CRACR2A: variants seen among roughly 807,000 people sequenced by gnomAD.
CRACR2A encodes the protein EF-hand calcium-binding domain-containing protein 4B.
In CRACR2A, 79 loss-of-function variants were observed where a neutral mutation model predicts 90.5. The ratio of observed to expected loss-of-function variants is 0.87; its 90% CI spans 0.73 to 1.05. The LOEUF (loss-of-function observed/expected upper bound fraction) is 1.05. Among genes scored for constraint, CRACR2A ranks in the 50% least tolerant of loss-of-function variants. The pLI is 0.00. For synonymous variants in CRACR2A, 338 were observed against 356.7 expected, an observed-to-expected ratio of 0.95 and a Z score of 0.59; for missense variants, 823 against 897.2, an observed-to-expected ratio of 0.92 and a Z score of 1.06.
chr12:3,683,963 G>A (rs1945505493), intron 4 of CRACR2A, among the ~76,000 whole-genome samples: 1 of 152,124 alleles, frequency 6.6e-6, no homozygotes, highest in African/African-American at 2.4e-5. Flanking sequence ...TAGAACATGA[G>A]GCATCTACAG....
At chr12:3,751,310 C>T (rs143691195) in intron 1 of CRACR2A, among the ~76,000 whole-genome samples, 266 of 152,248 alleles carry the variant, frequency 1.7e-3, no homozygotes, top group African/African-American at 6.0e-3. Flanking sequence ...TTCCCACCAG[C>T]CCTGTTCAAC....
intron 2 of CRACR2A, among the ~76,000 whole-genome samples, chr12:3,716,764 G>A (rs1451829835): frequency 6.6e-6 from 1 of 152,058 alleles, no homozygotes; most frequent in African/African-American, 2.4e-5. Flanking sequence ...TTTGTTGTTT[G>A]TTTTTGCTTC....
chr12:3,635,572 T>C (rs1239806163), intron 14 of CRACR2A, among the ~76,000 whole-genome samples: 1 of 152,182 alleles, frequency 6.6e-6, no homozygotes, highest in Non-Finnish European at 1.5e-5. Context: ...AGTGGTGTAA[T>C]CATAGCTCAC....
At chr12:3,669,021 G>A (rs929794682) in intron 7 of CRACR2A, among the ~76,000 whole-genome samples, 15 of 152,256 alleles carry the variant, frequency 9.9e-5, no homozygotes, top group African/African-American at 3.4e-4. Context: ...AGGCTACAGA[G>A]CTGCAGAGGA....
intron 14 of CRACR2A, among the ~76,000 whole-genome samples, chr12:3,636,613 C>CT: frequency 6.6e-6 from 1 of 152,256 alleles, no homozygotes; most frequent in Non-Finnish European, 1.5e-5. Flanking sequence ...ACCCCAGCTC[C>CT]TACTGACCTC....
chr12:3,661,711 C>T (rs1392505957), intron 7 of CRACR2A, among the ~76,000 whole-genome samples: 1 of 152,210 alleles, frequency 6.6e-6, no homozygotes, highest in Non-Finnish European at 1.5e-5. Flanking sequence ...CTGGAATGAC[C>T]TTCCTGTGTT....
intron 3 of CRACR2A, among the ~76,000 whole-genome samples, chr12:3,700,745 G>T (rs757022494): frequency 6.6e-6 from 1 of 152,122 alleles, no homozygotes; most frequent in Non-Finnish European, 1.5e-5. Context: ...AGGAAAAATA[G>T]CAAAGTCACA....
intron 11 of CRACR2A, chr12:3,648,256 T>C: frequency 7.6e-7 from 1 of 1,308,828 alleles, no homozygotes; most frequent in South Asian, 2.6e-5. Flanking sequence ...TCTGCTCGCA[T>C]GAGATCAAGT....
Position 3,633,533 on chromosome 12 carries a change from C to T in CRACR2A, c.1735+71G>A. Reference sequence around the variant, plus strand: ...CCCATGGGCTTCTAACGCTCCCTGCCCCGGGCCCCCTTCTCACAAACTCCC... The same window carrying T: ...CCCATGGGCTTCTAACGCTCCCTGCTCCGGGCCCCCTTCTCACAAACTCCC... On this transcript the variant is annotated intron_variant, in intron 15 of 19. Coordinates refer to ENST00000440314, the MANE Select transcript of CRACR2A (RefSeq NM_001144958.2). The surrounding 1 kb of genome is among the most constrained non-coding windows in gnomAD (Gnocchi z 4.5). The T allele has an allele frequency of 7.8e-6, 12 of 1,542,910 alleles. No homozygotes were observed. The highest frequency in any genetic ancestry group is 1.1e-5 in the Non-Finnish European group (12 of 1,141,144).
At chr12:3,704,411 T>C (rs954384217) in intron 3 of CRACR2A, among the ~76,000 whole-genome samples, 2 of 152,036 alleles carry the variant, frequency 1.3e-5, no homozygotes, top group Non-Finnish European at 2.9e-5. Context: ...ACAGGAAATT[T>C]TGGGGGGTGT....
Position 3,710,789 on chromosome 12 carries a change from C to T in CRACR2A, c.-37+2448G>A, listed in dbSNP as rs186208493. ...GCCTGGCGACAGAGCGAGGCTCCAC[C>T]GCAAAAAAAAAAAAAAGAAAGAAAG... On this transcript the variant is annotated intron_variant, in intron 3 of 19. Coordinates refer to ENST00000440314, the MANE Select transcript of CRACR2A (RefSeq NM_001144958.2). 3.1e-3 allele frequency among the ~76,000 whole-genome samples: 403 copies of T among 131,018 alleles called. 1 individual carries two copies. The highest frequency in any genetic ancestry group is 0.011 in the African/African-American group (385 of 35,602). The allele number at this position is 131,018 out of a possible 152,430, so 86.0% of individuals were successfully genotyped here. A position where few individuals can be genotyped will look rare whatever the true frequency, so the allele number is the denominator to read the frequency against.
rs141795839 is a variant in CRACR2A at position 3,622,618 on chromosome 12, T to C, written c.1933-3246A>G. On this transcript the variant is annotated intron_variant, in intron 17 of 19. Transcript: ENST00000440314. ...TGCAGCTGCTGGGTTTGGTTGGTTG[T>C]TGCCTATGTGCATGTGTGTGTGTGT... Among the ~76,000 whole-genome samples, 526 of 152,162 alleles carry C rather than the reference T, an allele frequency of 3.5e-3. 5 individuals are homozygous for C. The highest frequency in any genetic ancestry group is 0.012 in the African/African-American group (495 of 41,516).
chr12:3,665,002 G>A (rs1049449754), intron 7 of CRACR2A, among the ~76,000 whole-genome samples: 12 of 152,350 alleles, frequency 7.9e-5, no homozygotes, highest in East Asian at 3.9e-4. Context: ...GTGAGACTCC[G>A]TCTCAAAAAC....
intron 4 of CRACR2A, among the ~76,000 whole-genome samples, chr12:3,685,769 T>C (rs989885517): frequency 2.6e-5 from 4 of 152,248 alleles, no homozygotes; most frequent in Non-Finnish European, 5.9e-5. Flanking sequence ...ACAGAGTTTC[T>C]GTTTTGCATG....
At chr12:3,732,229 C>G (rs968103496) in intron 2 of CRACR2A, 1 of 152,194 alleles carries the variant, frequency 6.6e-6, no homozygotes, top group Non-Finnish European at 1.5e-5. Context: ...TAAACAATGG[C>G]TGAGTACCCG....
chr12:3,677,273 G>T (rs1945353522), intron 6 of CRACR2A, among the ~76,000 whole-genome samples: 1 of 152,188 alleles, frequency 6.6e-6, no homozygotes, highest in Non-Finnish European at 1.5e-5. Flanking sequence ...CCTATCTGAG[G>T]TCTCACAGCC....
At chr12:3,629,041 T>G (rs1366635804) in intron 15 of CRACR2A, among the ~76,000 whole-genome samples, 1 of 152,130 alleles carries the variant, frequency 6.6e-6, no homozygotes, top group East Asian at 1.9e-4. Context: ...TTTCTCCCAT[T>G]AATAGAATGC....
chr12:3,742,763 C>A (rs920875349), intron 1 of CRACR2A, among the ~76,000 whole-genome samples: 1 of 152,228 alleles, frequency 6.6e-6, no homozygotes, highest in Non-Finnish European at 1.5e-5. Context: ...CACTTACCTG[C>A]TGAATTCTAC....
At chr12:3,659,739 A>C in intron 7 of CRACR2A, 85 bp from the exon 8 acceptor site, 3 of 1,070,158 alleles carry the variant, frequency 2.8e-6, no homozygotes, top group Non-Finnish European at 2.9e-6. Flanking sequence ...CAGTTCCCCA[A>C]CTCTGGAGCT....
Sources: allele counts gnomAD v4.1 joint callset (sites outside exome capture counted in the v4.1 genomes callset), GRCh38; gene constraint gnomAD v4.1.1; non-coding constraint Gnocchi (gnomAD v3.1); transcripts MANE v1.5; gene names NCBI Gene and HGNC (gene_info 2026-07-23, HGNC 2026-07-21).